Variants in ZNF804B observed in about 807,000 individuals in gnomAD.
ZNF804B encodes the protein zinc finger protein 804B.
A neutral mutation model predicts 101.4 loss-of-function variants in ZNF804B; 80 were observed. The ratio of observed to expected loss-of-function variants is 0.79; its 90% confidence interval spans 0.66 to 0.95. The LOEUF is 0.95. Among genes scored for constraint, ZNF804B ranks in the 40% least tolerant of loss-of-function variants. The probability of loss-of-function intolerance (pLI) is 0.00; values close to 1 mark genes in which losing one functional copy is unlikely to be tolerated. For synonymous variants in ZNF804B, 622 were observed against 558.8 expected, an observed-to-expected ratio of 1.11 and a Z score of -1.59; for missense variants, 1,673 against 1,561.9, an observed-to-expected ratio of 1.07 and a Z score of -1.20.
intron 1 of ZNF804B, among the ~76,000 whole-genome samples, chr7:89,179,892 T>C (rs541305049): frequency 6.6e-6 from 1 of 152,200 alleles, no homozygotes; most frequent in Non-Finnish European, 1.5e-5. Context: ...ACTGTGACTC[T>C]TATTGACTTG....
chr7:89,112,399 T>C (rs982837855), intron 1 of ZNF804B, among the ~76,000 whole-genome samples: 1 of 152,180 alleles, frequency 6.6e-6, no homozygotes, highest in African/African-American at 2.4e-5. Flanking sequence ...TGAATATCCT[T>C]TGCTCCTTTG....
intron 2 of ZNF804B, among the ~76,000 whole-genome samples, chr7:89,305,902 T>G (rs1419856510): frequency 1.3e-5 from 2 of 152,028 alleles, no homozygotes; most frequent in Admixed American, 6.6e-5. Context: ...ATTCTGATAC[T>G]TTGTAAAGAT....
chr7:89,092,523 C>A (rs764470522), intron 1 of ZNF804B, among the ~76,000 whole-genome samples: 1 of 149,064 alleles, frequency 6.7e-6, no homozygotes, highest in South Asian at 2.1e-4. Context: ...AGTGATTCTC[C>A]TGCCTCAGCC....
intron 1 of ZNF804B, among the ~76,000 whole-genome samples, chr7:89,006,608 A>G (rs1788371766): frequency 6.6e-5 from 10 of 152,038 alleles, no homozygotes; most frequent in Admixed American, 6.6e-4. Flanking sequence ...AGCACAATTG[A>G]TGTGGTTAGA....
chr7:89,109,026 T>C (rs1316136552), intron 1 of ZNF804B, among the ~76,000 whole-genome samples: 1 of 152,130 alleles, frequency 6.6e-6, no homozygotes, highest in Non-Finnish European at 1.5e-5. Flanking sequence ...ATAGTTATAA[T>C]CTATTAATAG....
intron 2 of ZNF804B, among the ~76,000 whole-genome samples, chr7:89,260,342 T>A (rs980913712): frequency 6.7e-6 from 1 of 148,716 alleles, no homozygotes. Context: ...ATGTCCTTTG[T>A]GGCACTTTTT....
At chr7:88,782,119 G>T (rs549393448) in intron 1 of ZNF804B, among the ~76,000 whole-genome samples, 111 of 151,926 alleles carry the variant, frequency 7.3e-4, no homozygotes, top group African/African-American at 2.6e-3. Context: ...GTGTGTGTGT[G>T]TGTGTGTGTG....
chr7:89,024,316 A>T (rs996694423), intron 1 of ZNF804B, among the ~76,000 whole-genome samples: 1 of 152,140 alleles, frequency 6.6e-6, no homozygotes, highest in South Asian at 2.1e-4. Flanking sequence ...TGCTTAACTC[A>T]TGTCAACTTA....
At chr7:89,031,532 G>T (rs956631847) in intron 1 of ZNF804B, among the ~76,000 whole-genome samples, 4 of 151,958 alleles carry the variant, frequency 2.6e-5, no homozygotes, top group African/African-American at 7.2e-5. Context: ...TATGGATAAT[G>T]AAAAACTTTT....
intron 1 of ZNF804B, chr7:88,795,780 G>C (rs1790472508): frequency 6.6e-6 from 1 of 152,118 alleles, no homozygotes; most frequent in Admixed American, 6.6e-5. Context: ...ACGTGAGTCA[G>C]AATGTCAGCA....
At chr7:89,089,236 C>T (rs1163316655) in intron 1 of ZNF804B, among the ~76,000 whole-genome samples, 2 of 151,810 alleles carry the variant, frequency 1.3e-5, no homozygotes, top group Non-Finnish European at 2.9e-5. Flanking sequence ...AATTCTTGAA[C>T]AAGGAATTCT....
intron 1 of ZNF804B, among the ~76,000 whole-genome samples, chr7:88,788,944 G>C (rs145937376): frequency 6.6e-6 from 1 of 152,106 alleles, no homozygotes; most frequent in Non-Finnish European, 1.5e-5. Flanking sequence ...AGTTAAAAAT[G>C]GTTTCTTTTT....
rs561781432 is a variant in ZNF804B at position 88,790,083 on chromosome 7, G to T, written c.108+29999G>T. ...CTCAAGTATTCATATAAAAAGAAAAGAATTAGAATGGTGCTGGCCACATCA... is the reference window on the plus strand; with the variant it reads ...CTCAAGTATTCATATAAAAAGAAAATAATTAGAATGGTGCTGGCCACATCA... On this transcript the variant is annotated intron_variant, in intron 1 of 3. Coordinates refer to ENST00000333190, the MANE Select transcript of ZNF804B (RefSeq NM_181646.5). 1.6e-4 allele frequency among the ~76,000 whole-genome samples: 24 copies of T among 152,132 alleles called. No individual in the cohort carries two copies. The South Asian group carries it at 4.8e-3, about 30-fold the overall frequency.
chr7:89,115,470 C>T (rs558629819), intron 1 of ZNF804B, among the ~76,000 whole-genome samples: 47 of 152,272 alleles, frequency 3.1e-4, no homozygotes, highest in South Asian at 6.2e-4. Context: ...GATGAGATTA[C>T]AGCAGTATTG....
At chr7:89,224,759 T>TGTGTGTGTGTATGA (rs1789059886) in intron 2 of ZNF804B, among the ~76,000 whole-genome samples, 4 of 40,886 alleles carry the variant, frequency 9.8e-5, no homozygotes, top group African/African-American at 2.4e-4. Flanking sequence ...TGTATGAGTG[T>TGTGTGTGTGTATGA]GTGTGTGTGT....
chr7:89,137,754 A>G (rs1426376363), intron 1 of ZNF804B, among the ~76,000 whole-genome samples: 2 of 152,156 alleles, frequency 1.3e-5, no homozygotes, highest in African/African-American at 4.8e-5. Flanking sequence ...AATGAGCATA[A>G]ATAATGAGAA....
At chr7:88,850,070 A>T (rs180876094) in intron 1 of ZNF804B, among the ~76,000 whole-genome samples, 25 of 152,328 alleles carry the variant, frequency 1.6e-4, no homozygotes, top group African/African-American at 5.0e-4. Flanking sequence ...ATCAGATAAT[A>T]GACTAGATTT....
At chr7:88,830,007 G>T (rs934765581) in intron 1 of ZNF804B, among the ~76,000 whole-genome samples, 1 of 152,004 alleles carries the variant, frequency 6.6e-6, no homozygotes, top group Non-Finnish European at 1.5e-5. Context: ...TTATCCCTTG[G>T]TTTATGATTT....
intron 1 of ZNF804B, among the ~76,000 whole-genome samples, chr7:88,760,947 A>T (rs1264245298): frequency 6.8e-6 from 1 of 147,710 alleles, no homozygotes; most frequent in Non-Finnish European, 1.5e-5. Context: ...TATATATATT[A>T]GTTTTGGACT....
Sources: gnomAD v4.1 joint callset for allele counts (sites outside exome capture counted in the v4.1 genomes callset) on GRCh38, gnomAD v4.1.1 for gene constraint, MANE v1.5 for transcripts, NCBI Gene and HGNC (gene_info 2026-07-23, HGNC 2026-07-21) for gene names.